PLXND1: variants seen among roughly 807,000 people sequenced by gnomAD.
PLXND1 encodes the protein plexin-D1.
A neutral mutation model predicts 197.7 loss-of-function variants in PLXND1; 54 were observed. The ratio of observed to expected loss-of-function variants is 0.27; its 90% CI spans 0.22 to 0.34. The LOEUF (loss-of-function observed/expected upper bound fraction) is 0.34, where lower values mean the gene tolerates loss of function less well. Ranked by LOEUF, PLXND1 falls within the 10% of genes least tolerant of loss-of-function variation. The probability of loss-of-function intolerance (pLI) is 1.00; values close to 1 mark genes in which losing one functional copy is unlikely to be tolerated. For missense variants in PLXND1, 2,127 were observed against 2,699.2 expected, an observed-to-expected ratio of 0.79 and a Z score of 4.70; for synonymous variants, 1,180 against 1,161.2, an observed-to-expected ratio of 1.02 and a Z score of -0.33.
At position 129,584,109 on chromosome 3, in the gene PLXND1, C is replaced by T. The variant is rs1452462444; in HGVS notation, c.2138+16G>A. ...CTCCCTCCACCAACTGGAGGCAAGC[C>T]ACCCAAGCCACTCACGCTGTGTGGG... On this transcript the variant is annotated intron_variant, in intron 7 of 35. Transcript: ENST00000324093. The T allele has an allele frequency of 6.6e-7, 1 of 1,523,070 alleles. No homozygotes were observed. The highest frequency in any genetic ancestry group is 2.4e-5 in the East Asian group (1 of 40,868). 94.3% of individuals were successfully genotyped at this position (1,523,070 alleles called of 1,614,324 possible). A position where few individuals can be genotyped will look rare whatever the true frequency, so the allele number is the denominator to read the frequency against.
At position 129,606,253 on chromosome 3, in the gene PLXND1, C is replaced by T; in HGVS notation, c.387G>A (p.Gln129=). 2 of 1,570,872 alleles carry T rather than the reference C, an allele frequency of 1.3e-6. No homozygotes were observed. Among genetic ancestry groups the T allele is most frequent in the Non-Finnish European group, 1.7e-6 (2 of 1,163,990 alleles). ...RLTDNYNKIL[Q]LDPGQGLVVV... is the part of the protein sequence containing the mutation. Reference sequence around the variant, plus strand: ...CTACCAGGCCCTGGCCGGGGTCCAGCTGCAGGATCTTGTTGTAGTTGTCCG... The same window carrying T: ...CTACCAGGCCCTGGCCGGGGTCCAGTTGCAGGATCTTGTTGTAGTTGTCCG... Residue 129 remains glutamine, a synonymous_variant, in exon 1 of 36, where the codon CAG becomes CAA. Transcript: ENST00000324093.
At chr3:129,560,790 A>G (rs926009345) in intron 29 of PLXND1, 67 bp from the exon 30 acceptor site, 3 of 945,490 alleles carry the variant, frequency 3.2e-6, no homozygotes, top group Non-Finnish European at 5.2e-6. Context: ...ATGAAGACAG[A>G]AAGATGGAGT....
At position 129,572,751 on chromosome 3, in the gene PLXND1, G is replaced by A; in HGVS notation, c.2938-3C>T. 1 of 1,599,866 alleles carries A rather than the reference G, an allele frequency of 6.3e-7. No individual in the cohort carries two copies. The highest frequency in any genetic ancestry group is 8.5e-7 in the Non-Finnish European group (1 of 1,171,166). Reference sequence around the variant, plus strand: ...TCCAGGGAGTGGACCAGGGGCAGCTGTGGGAGGAAGGCAGGCGTTTGGGCC... The same window carrying A: ...TCCAGGGAGTGGACCAGGGGCAGCTATGGGAGGAAGGCAGGCGTTTGGGCC... On this transcript the variant is annotated splice_region_variant and splice_polypyrimidine_tract_variant and intron_variant, in intron 14 of 35. Coordinates refer to ENST00000324093, the MANE Select transcript of PLXND1 (RefSeq NM_015103.3).
At position 129,606,159 on chromosome 3, in the gene PLXND1, C is replaced by T; in HGVS notation, c.481G>A (p.Val161Met). ...RRRGNISAVA[V>M]RFPPAAPPAE... ...GGCGGCGCGGCGGGCGGGAAGCGCACGGCCACGGCCGAGATGTTGCCCCGG... is the reference window on the plus strand; with the variant it reads ...GGCGGCGCGGCGGGCGGGAAGCGCATGGCCACGGCCGAGATGTTGCCCCGG... Residue 161 changes from valine (V) to methionine (M), a missense_variant, in exon 1 of 36, where the codon GTG (valine) becomes ATG (methionine). Physicochemically the swap from Val to Met is conservative, Grantham distance 21. Transcript: ENST00000324093. The T allele has an allele frequency of 1.3e-6, 2 of 1,524,148 alleles. No homozygotes were observed. Among genetic ancestry groups the T allele is most frequent in the African/African-American group, 1.4e-5 (1 of 71,252 alleles). 94.4% of individuals were successfully genotyped at this position (1,524,148 alleles called of 1,614,324 possible).
In PLXND1 at chr3:129,555,679, C is replaced by T. The variant is rs2084963653; in HGVS notation, c.*633G>A. 1.8e-6 allele frequency: 1 copy of T among 541,580 alleles called. No individual in the cohort carries two copies. Among genetic ancestry groups the T allele is most frequent in the African/African-American group, 2.0e-5 (1 of 50,470 alleles). 33.5% of individuals were successfully genotyped at this position (541,580 alleles called of 1,614,324 possible). The stretch of plus-strand genomic sequence containing the variant: ...CCCAGCTCCTGTGCCCCCCATCCCT[C>T]CCCTCCACCCTCCCTGCTCCTGGAG... On this transcript the variant is annotated 3_prime_UTR_variant, in exon 36 of 36. Transcript: ENST00000324093.
intron 15 of PLXND1, 87 bp downstream of exon 15, chr3:129,572,522 G>T: frequency 1.6e-6 from 2 of 1,216,474 alleles, no homozygotes; most frequent in Non-Finnish European, 2.2e-6. Flanking sequence ...GAGAGGCTTG[G>T]CTCAAGGATG....
chr3:129,578,265 A>G, intron 9 of PLXND1, 64 bp downstream of exon 9: 1 of 964,224 alleles, frequency 1.0e-6, no homozygotes, highest in Non-Finnish European at 1.6e-6. Context: ...GGGGGCAGTT[A>G]GTGGCCTGCG....
intron 5 of PLXND1, 119 bp from the exon 6 acceptor site, chr3:129,584,681 GT>G: frequency 4.2e-6 from 4 of 944,088 alleles, no homozygotes; most frequent in Non-Finnish European, 6.3e-6. Flanking sequence ...GGAAGGGGTA[GT>G]GGTGGCCAGG....
Position 129,561,662 on chromosome 3 carries a change from G to C in PLXND1, c.4977C>G (p.Asp1659Glu). The C allele has an allele frequency of 6.2e-7, 1 of 1,607,952 alleles. No individual in the cohort carries two copies. Among genetic ancestry groups the C allele is most frequent in the Non-Finnish European group, 8.5e-7 (1 of 1,177,238 alleles). ...CCGCACTACCTCGGCCCAGTGTGTTGTCCTTCTTGTCTATGAGACTCATGG... is the reference window on the plus strand; with the variant it reads ...CCGCACTACCTCGGCCCAGTGTGTTCTCCTTCTTGTCTATGAGACTCATGG... Reference protein sequence around the residue: ...SLAMSLIDKKDNTLGRVKDLD... With the variant: ...SLAMSLIDKKENTLGRVKDLD... Residue 1659 changes from aspartate (D) to glutamate (E), a missense_variant, in exon 29 of 36, where the codon GAC becomes GAG. By Grantham distance (45) the Asp-to-Glu change is conservative. This residue lies in a region of PLXND1 where 532 missense variants were observed against 811.0 expected (regional missense o/e 0.66). Coordinates refer to ENST00000324093, the MANE Select transcript of PLXND1 (RefSeq NM_015103.3).
intron 12 of PLXND1, among the ~76,000 whole-genome samples, chr3:129,573,997 T>G (rs1437598435): frequency 6.6e-6 from 1 of 152,208 alleles, no homozygotes; most frequent in Non-Finnish European, 1.5e-5. Context: ...TGGAGGATGC[T>G]GAGGTCAGCT....
chr3:129,569,400 G>A (rs1275155512), intron 20 of PLXND1: 2 of 157,034 alleles, frequency 1.3e-5, no homozygotes, highest in Admixed American at 6.1e-5. Flanking sequence ...AAGCAGCTGC[G>A]CTTTTTTGTA....
At chr3:129,562,681 C>T in intron 27 of PLXND1, 106 bp downstream of exon 27, 2 of 1,065,952 alleles carry the variant, frequency 1.9e-6, no homozygotes, top group Non-Finnish European at 2.7e-6. Flanking sequence ...TCAGTGTCCC[C>T]ACATTCATGC....
rs1016487208 is a variant in PLXND1, at chr3:129,572,542, G to A, written c.3077+67C>T. On this transcript the variant is annotated intron_variant, in intron 15 of 35. Coordinates refer to ENST00000324093, the MANE Select transcript of PLXND1 (RefSeq NM_015103.3). ...GCTTGGCTCAAGGATGTCACCTCCA[G>A]CCCGCCAGCCCCCAAGCCCATTGAT... The A allele has an allele frequency of 1.2e-5, 16 of 1,362,094 alleles. No homozygotes were observed. The Admixed American group carries it at 1.6e-4, about 14-fold the overall frequency. 84.4% of individuals were successfully genotyped at this position (1,362,094 alleles called of 1,614,324 possible). A position where few individuals can be genotyped will look rare whatever the true frequency, so the allele number is the denominator to read the frequency against.
At chr3:129,581,265 C>T (rs147431182) in intron 8 of PLXND1, among the ~76,000 whole-genome samples, 19 of 152,338 alleles carry the variant, frequency 1.2e-4, no homozygotes, top group African/African-American at 3.8e-4. Context: ...GCCTCCTGCA[C>T]GCCCGGGGCA....
In PLXND1 at chr3:129,580,560, G is replaced by C. The variant is rs150870727; in HGVS notation, c.2242-2127C>G. Among the ~76,000 whole-genome samples the C allele has an allele frequency of 2.8e-3, 429 of 152,250 alleles. 3 individuals carry two copies. Among genetic ancestry groups the C allele is most frequent in the Middle Eastern group, 0.01 (3 of 294 alleles). On this transcript the variant is annotated intron_variant, in intron 8 of 35. Coordinates refer to ENST00000324093, the MANE Select transcript of PLXND1 (RefSeq NM_015103.3). ...GTGTTGATGTGGGGCTGAGGTGTGA[G>C]AGTCAGGGCAGGAGGCGCTCTCACA... is the stretch of plus-strand genomic sequence containing the variant.
intron 1 of PLXND1, among the ~76,000 whole-genome samples, chr3:129,599,479 G>A (rs2085676052): frequency 6.6e-6 from 1 of 152,220 alleles, no homozygotes; most frequent in Admixed American, 6.5e-5. Context: ...AGGCCTCACT[G>A]TGGGCGTATC....
rs1578349085 is a variant in PLXND1, at chr3:129,589,342, C to T, written c.1488+9G>A. 6.3e-7 allele frequency: 1 copy of T among 1,580,944 alleles called. No homozygotes were observed. The highest frequency in any genetic ancestry group is 8.6e-7 in the Non-Finnish European group (1 of 1,158,198). ...CCCACCCCCTCCCCACATCCCCAAC[C>T]ATACCTACCTTGAGAAGCCTCCCGT... On this transcript the variant is annotated intron_variant, in intron 2 of 35. Coordinates refer to ENST00000324093, the MANE Select transcript of PLXND1 (RefSeq NM_015103.3).
chr3:129,605,402 G>C lies in PLXND1; in HGVS notation c.1238C>G (p.Pro413Arg). 6.7e-7 allele frequency: 1 copy of C among 1,500,426 alleles called. No individual in the cohort carries two copies. The allele number at this position is 1,500,426 out of a possible 1,614,324, so 92.9% of individuals were successfully genotyped here. A position where few individuals can be genotyped will look rare whatever the true frequency, so the allele number is the denominator to read the frequency against. ...GCTGTCGAGCACCGCCACCACGTCG[G>C]GCGCCGGTTCCACGAAGCAGGCGGT... Reference protein sequence around the residue: ...ARTACFVEPAPDVVAVLDSVV... With the variant: ...ARTACFVEPARDVVAVLDSVV... Residue 413 changes from proline (P) to arginine (R), a missense_variant, in exon 1 of 36, where the codon CCC becomes CGC. By Grantham distance (103) the Pro-to-Arg change is moderately radical (BLOSUM62 -2). Transcript: ENST00000324093.
chr3:129,566,669 A>AC (rs746323186), intron 22 of PLXND1, 38 bp from the exon 23 acceptor site: 1 of 1,287,902 alleles, frequency 7.8e-7, no homozygotes, highest in Non-Finnish European at 1.1e-6. Context: ...GCGGGGCTGG[A>AC]CACCCCCTGC....
Sources: gnomAD v4.1 joint callset for allele counts (sites outside exome capture counted in the v4.1 genomes callset) on GRCh38, gnomAD v4.1.1 for gene constraint, gnomAD v4.1.1 regional missense constraint, MANE v1.5 for transcripts, NCBI Gene and HGNC (gene_info 2026-07-23, HGNC 2026-07-21) for gene names.